SIPA1L2: variants seen among roughly 807,000 people sequenced by gnomAD.
SIPA1L2 encodes signal induced proliferation associated 1 like 2, also known as signal-induced proliferation-associated 1-like protein 2.
Under a neutral mutation model 163.9 loss-of-function variants are expected in SIPA1L2, and 56 were observed. That is an observed-to-expected ratio of 0.34 (90% CI 0.28 to 0.43). The LOEUF (loss-of-function observed/expected upper bound fraction) is 0.43, where lower values mean the gene tolerates loss of function less well. Among genes scored for constraint, SIPA1L2 ranks in the 20% least tolerant of loss-of-function variants. The pLI, the probability that SIPA1L2 is intolerant of heterozygous loss-of-function variation, is 1.00. For synonymous variants in SIPA1L2, 877 were observed against 865.7 expected, an observed-to-expected ratio of 1.01 and a Z score of -0.23; for missense variants, 1,974 against 2,193.5, an observed-to-expected ratio of 0.90 and a Z score of 2.00.
At chr1:232,496,030 C>T (rs998851679) in intron 3 of SIPA1L2, among the ~76,000 whole-genome samples, 6 of 152,208 alleles carry the variant, frequency 3.9e-5, no homozygotes, top group Admixed American at 1.3e-4. Flanking sequence ...TTTTTATAAA[C>T]GTAGTGTTGC....
intron 1 of SIPA1L2, among the ~76,000 whole-genome samples, chr1:232,610,962 C>T (rs967486590): frequency 5.9e-5 from 9 of 152,214 alleles, no homozygotes; most frequent in Non-Finnish European, 8.8e-5. Flanking sequence ...GGCTCTGTGT[C>T]TCCATCCAAA....
rs777602614 is a variant in SIPA1L2, at chr1:232,514,159, T to G, written c.1181A>C (p.Asp394Ala). The G allele has an allele frequency of 6.2e-6, 10 of 1,614,244 alleles. No homozygotes were observed. The highest frequency in any genetic ancestry group is 8.5e-6 in the Non-Finnish European group (10 of 1,180,050). ...KEDLNSKENL[D>A]ADEGDGKSND... ...ACTTTTCCCATCACCCTCATCGGCA[T>G]CCAGGTTCTCTTTGGAGTTGAGGTC... Residue 394 changes from aspartate to alanine, a missense_variant, in exon 3 of 23, where the codon GAT becomes GCT. By Grantham distance (126) the Asp-to-Ala change is moderately radical. Around this residue, in one of 3 missense-constraint regions of SIPA1L2, gnomAD observed 607 missense variants for 624.0 expected, o/e 0.97. Transcript: ENST00000674635.
chr1:232,429,307 C>A (rs1380027675), intron 16 of SIPA1L2, among the ~76,000 whole-genome samples: 1 of 152,190 alleles, frequency 6.6e-6, no homozygotes, highest in Non-Finnish European at 1.5e-5. Context: ...CTTTGCCACA[C>A]AACCTGAAAC....
intron 2 of SIPA1L2, among the ~76,000 whole-genome samples, chr1:232,547,504 C>G (rs373444092): frequency 1.5e-5 from 2 of 131,456 alleles, no homozygotes; most frequent in Admixed American, 9.6e-5. Flanking sequence ...TCTATTCAAG[C>G]GTGTTTCCAG....
At chr1:232,597,532 A>T (rs1416739509) in intron 1 of SIPA1L2, among the ~76,000 whole-genome samples, 1 of 151,284 alleles carries the variant, frequency 6.6e-6, no homozygotes, top group Non-Finnish European at 1.5e-5. Context: ...CCAAAAAAAA[A>T]AAAAAAAATT....
chr1:232,558,761 T>A (rs1658868928), intron 2 of SIPA1L2, among the ~76,000 whole-genome samples: 1 of 152,194 alleles, frequency 6.6e-6, no homozygotes, highest in Non-Finnish European at 1.5e-5. Context: ...CATGTTTTCT[T>A]TAAATTTCTA....
intron 12 of SIPA1L2, among the ~76,000 whole-genome samples, chr1:232,442,552 GA>G (rs59025710): frequency 0.16 from 11,701 of 74,928 alleles, 1,179 homozygotes; most frequent in East Asian, 0.58. Context: ...CATCTCAAAA[GA>G]AAAAAAAAAA....
At chr1:232,552,133 C>G (rs913699571) in intron 2 of SIPA1L2, among the ~76,000 whole-genome samples, 8 of 152,276 alleles carry the variant, frequency 5.3e-5, no homozygotes, top group South Asian at 4.1e-4. Flanking sequence ...AGCCACCACA[C>G]CCGGCTGAGA....
intron 2 of SIPA1L2, among the ~76,000 whole-genome samples, chr1:232,533,186 C>T (rs1365864678): frequency 6.6e-6 from 1 of 152,086 alleles, no homozygotes; most frequent in Non-Finnish European, 1.5e-5. Flanking sequence ...GTGTGGGGCC[C>T]CCAGACAGTT....
At chr1:232,461,469 T>C (rs1333612196) in intron 9 of SIPA1L2, among the ~76,000 whole-genome samples, 1 of 152,264 alleles carries the variant, frequency 6.6e-6, no homozygotes, top group East Asian at 1.9e-4. Flanking sequence ...TAGATGTCAC[T>C]GACCCAGAGC....
chr1:232,492,909 T>C (rs970718798), intron 4 of SIPA1L2, among the ~76,000 whole-genome samples: 1 of 152,050 alleles, frequency 6.6e-6, no homozygotes, highest in East Asian at 1.9e-4. Flanking sequence ...GAAGGAATAA[T>C]TGTTGCAATG....
intron 1 of SIPA1L2, among the ~76,000 whole-genome samples, chr1:232,607,848 G>A (rs561882497): frequency 6.6e-6 from 1 of 151,804 alleles, no homozygotes; most frequent in Admixed American, 6.6e-5. Context: ...CTTAGGTCAG[G>A]AGTTTGAAAC....
chr1:232,525,152 G>C (rs991622995), intron 2 of SIPA1L2, among the ~76,000 whole-genome samples: 14 of 137,412 alleles, frequency 1.0e-4, no homozygotes, highest in Non-Finnish European at 2.2e-4. Context: ...TTAATTTAAC[G>C]TTTTTTTTTT....
At position 232,428,134 on chromosome 1, in the gene SIPA1L2, C is replaced by T. The variant is rs528065411; in HGVS notation, c.4410+277G>A. 7.4e-4 allele frequency among the ~76,000 whole-genome samples: 113 copies of T among 152,274 alleles called. 1 individual carries two copies. The highest frequency in any genetic ancestry group is 2.6e-3 in the African/African-American group (109 of 41,564). On this transcript the variant is annotated intron_variant, in intron 17 of 22. Coordinates refer to ENST00000674635, the MANE Select transcript of SIPA1L2 (RefSeq NM_020808.5). Reference sequence around the variant, plus strand: ...AAGTCACTTGCATAAAGTCATGCAGCTACCCATTGCTGGAGCCAGGATTTG... The same window carrying T: ...AAGTCACTTGCATAAAGTCATGCAGTTACCCATTGCTGGAGCCAGGATTTG...
At chr1:232,582,270 G>C (rs1660420559) in intron 1 of SIPA1L2, among the ~76,000 whole-genome samples, 1 of 151,894 alleles carries the variant, frequency 6.6e-6, no homozygotes, top group Non-Finnish European at 1.5e-5. Context: ...CAGTACCCAA[G>C]AGATAGTGTT....
In SIPA1L2 at chr1:232,444,372, C is replaced by T. The variant is rs1166659627; in HGVS notation, c.3354-687G>A. Among the ~76,000 whole-genome samples, 3 of 151,940 alleles carry T rather than the reference C, an allele frequency of 2.0e-5. No homozygotes were observed. In the East Asian group the frequency reaches 5.8e-4, roughly 29 times the overall value. On this transcript the variant is annotated intron_variant, in intron 11 of 22. Coordinates refer to ENST00000674635, the MANE Select transcript of SIPA1L2 (RefSeq NM_020808.5). ...TTAAATAAGGGAGGTTCTGCAGATC[C>T]CCTTCCTTCTACATGTTGCCCCTTT...
intron 2 of SIPA1L2, among the ~76,000 whole-genome samples, chr1:232,519,284 A>G (rs943400664): frequency 1.3e-5 from 2 of 152,108 alleles, no homozygotes; most frequent in Non-Finnish European, 2.9e-5. Flanking sequence ...CCCATTCCCA[A>G]ACATGGTAGT....
chr1:232,473,984 T>G (rs1664916322), intron 7 of SIPA1L2, among the ~76,000 whole-genome samples: 1 of 152,238 alleles, frequency 6.6e-6, no homozygotes, highest in Non-Finnish European at 1.5e-5. Flanking sequence ...AATAAGTAAT[T>G]TCTTGAACTT....
chr1:232,536,903 T>C (rs989389904), intron 2 of SIPA1L2, among the ~76,000 whole-genome samples: 1 of 152,230 alleles, frequency 6.6e-6, no homozygotes, highest in Non-Finnish European at 1.5e-5. Flanking sequence ...GAATGTGCTT[T>C]AATTTGGAAC....
Sources: gnomAD v4.1 joint callset for allele counts (sites outside exome capture counted in the v4.1 genomes callset) on GRCh38, gnomAD v4.1.1 for gene constraint, gnomAD v4.1.1 regional missense constraint, MANE v1.5 for transcripts, NCBI Gene and HGNC (gene_info 2026-07-23, HGNC 2026-07-21) for gene names.